PDE4B: variants seen among roughly 807,000 people sequenced by gnomAD.
PDE4B encodes the protein 3',5'-cyclic-AMP phosphodiesterase 4B.
Under a neutral mutation model 82.2 loss-of-function variants are expected in PDE4B, and 20 were observed. The ratio of observed to expected loss-of-function variants is 0.24; its 90% CI spans 0.17 to 0.35. The LOEUF is 0.35. Ranked by LOEUF, PDE4B falls within the 10% of genes least tolerant of loss-of-function variation. PDE4B has a pLI of 1.00. For synonymous variants in PDE4B, 320 were observed against 318.9 expected, an observed-to-expected ratio of 1.00 and a Z score of -0.04; for missense variants, 655 against 907.2, an observed-to-expected ratio of 0.72 and a Z score of 3.57.
chr1:65,906,983 A>G lies in PDE4B; in HGVS notation c.-70-6262A>G, dbSNP rs564543314. On this transcript the variant is annotated intron_variant, in intron 1 of 16. Coordinates refer to ENST00000341517, the MANE Select transcript of PDE4B (RefSeq NM_002600.4). ...CTTTTCAGTTTTTATCTCAAAAGTCATTGATACTTATTACTTAATTGAAAA... is the reference window on the plus strand; with the variant it reads ...CTTTTCAGTTTTTATCTCAAAAGTCGTTGATACTTATTACTTAATTGAAAA... Among the ~76,000 whole-genome samples the G allele has an allele frequency of 2.1e-4, 32 of 152,296 alleles. 1 individual carries two copies. The South Asian group carries it at 6.6e-3, about 32-fold the overall frequency.
chr1:66,152,574 G>C (rs1340300250), intron 3 of PDE4B: 2 of 254,750 alleles, frequency 7.9e-6, no homozygotes, highest in Non-Finnish European at 1.8e-5. Context: ...ATATGATTAA[G>C]TGTGTGCATA....
intron 1 of PDE4B, among the ~76,000 whole-genome samples, chr1:65,898,990 T>A (rs989158406): frequency 2.0e-5 from 3 of 151,976 alleles, no homozygotes; most frequent in African/African-American, 7.2e-5. Context: ...CTAAAGAGTT[T>A]TGCATGGCAA....
At chr1:66,320,026 A>G (rs1659290745) in intron 7 of PDE4B, among the ~76,000 whole-genome samples, 1 of 152,172 alleles carries the variant, frequency 6.6e-6, no homozygotes, top group African/African-American at 2.4e-5. Context: ...TAGAACTCTC[A>G]TATTTGTCCT....
At chr1:65,797,783 A>T (rs2101152936) in intron 1 of PDE4B, among the ~76,000 whole-genome samples, 1 of 152,220 alleles carries the variant, frequency 6.6e-6, no homozygotes, top group East Asian at 1.9e-4. Flanking sequence ...ACAAGGAATG[A>T]GCCTACCTAG....
At chr1:66,077,996 G>A (rs1472388153) in intron 3 of PDE4B, among the ~76,000 whole-genome samples, 1 of 152,128 alleles carries the variant, frequency 6.6e-6, no homozygotes, top group Non-Finnish European at 1.5e-5. Context: ...AATTAAATAA[G>A]TTAATTCATG....
intron 3 of PDE4B, among the ~76,000 whole-genome samples, chr1:66,138,866 T>C: frequency 6.6e-6 from 1 of 152,338 alleles, no homozygotes; most frequent in East Asian, 1.9e-4. Context: ...TTCCAGCCAC[T>C]GGGATAGGTT....
At chr1:65,910,740 AG>A (rs1224673598) in intron 1 of PDE4B, among the ~76,000 whole-genome samples, 4 of 152,142 alleles carry the variant, frequency 2.6e-5, no homozygotes, top group Non-Finnish European at 4.4e-5. Flanking sequence ...GCCAGCAGAG[AG>A]GGTCCCCTCT....
chr1:65,993,986 AT>A (rs1651393564), intron 3 of PDE4B, among the ~76,000 whole-genome samples: 1 of 152,174 alleles, frequency 6.6e-6, no homozygotes, highest in East Asian at 1.9e-4. Flanking sequence ...GCCACTTCAG[AT>A]TTTTTTGGAG....
chr1:66,082,090 G>GC (rs1656770819), intron 3 of PDE4B, among the ~76,000 whole-genome samples: 1 of 151,982 alleles, frequency 6.6e-6, no homozygotes, highest in South Asian at 2.1e-4. Flanking sequence ...AATCAGAGGA[G>GC]CATTAAAACA....
intron 3 of PDE4B, among the ~76,000 whole-genome samples, chr1:65,948,988 C>T (rs1316474453): frequency 6.6e-6 from 1 of 152,032 alleles, no homozygotes; most frequent in African/African-American, 2.4e-5. Flanking sequence ...CTATCTTGCC[C>T]CTAGGGACAA....
chr1:65,932,506 A>T (rs564004288), intron 3 of PDE4B, among the ~76,000 whole-genome samples: 19 of 152,178 alleles, frequency 1.2e-4, no homozygotes, highest in African/African-American at 4.1e-4. Flanking sequence ...GTCTGTGAAG[A>T]TTGGGAGAGG....
chr1:66,271,454 G>A (rs1655469024), intron 7 of PDE4B, among the ~76,000 whole-genome samples: 1 of 152,156 alleles, frequency 6.6e-6, no homozygotes, highest in Non-Finnish European at 1.5e-5. Flanking sequence ...GACGTCAATG[G>A]AGTCATTAAA....
intron 8 of PDE4B, among the ~76,000 whole-genome samples, chr1:66,334,478 T>G (rs1040115052): frequency 1.4e-4 from 22 of 152,318 alleles, no homozygotes; most frequent in African/African-American, 5.3e-4. Context: ...CGGGTGAGGA[T>G]TCCAATCCCT....
rs548023890 is a variant in PDE4B at position 66,268,636 on chromosome 1, C to G, written c.634+2549C>G. Reference sequence around the variant, plus strand: ...TGAGCCGAGATCGCACCACTGAACTCAAGCCCAGGTGACAGAGCAAGACTC... The same window carrying G: ...TGAGCCGAGATCGCACCACTGAACTGAAGCCCAGGTGACAGAGCAAGACTC... On this transcript the variant is annotated intron_variant, in intron 7 of 16. Coordinates refer to ENST00000341517, the MANE Select transcript of PDE4B (RefSeq NM_002600.4). Among the ~76,000 whole-genome samples the G allele has an allele frequency of 6.1e-5, 7 of 114,212 alleles. No individual in the cohort carries two copies. In the South Asian group the frequency reaches 2.1e-3, roughly 34 times the overall value. 74.9% of individuals were successfully genotyped at this position (114,212 alleles called of 152,430 possible).
intron 6 of PDE4B, 22 bp from the exon 7 acceptor site, chr1:66,266,016 C>T (rs1001844557): frequency 6.2e-7 from 1 of 1,604,538 alleles, no homozygotes; most frequent in Non-Finnish European, 8.5e-7. Flanking sequence ...AGACTCAGTC[C>T]TTCTTTTCTC....
intron 7 of PDE4B, among the ~76,000 whole-genome samples, chr1:66,291,849 G>A (rs1343744825): frequency 6.6e-6 from 1 of 152,098 alleles, no homozygotes; most frequent in Non-Finnish European, 1.5e-5. Flanking sequence ...CAATATCCGA[G>A]TATCTTAACT....
At chr1:65,903,265 C>T (rs1054212212) in intron 1 of PDE4B, among the ~76,000 whole-genome samples, 1 of 152,096 alleles carries the variant, frequency 6.6e-6, no homozygotes, top group South Asian at 2.1e-4. Context: ...TTCCTTCTGG[C>T]CTCTCATTTC....
chr1:65,987,139 T>A (rs1235459677), intron 3 of PDE4B, among the ~76,000 whole-genome samples: 1 of 151,938 alleles, frequency 6.6e-6, no homozygotes, highest in Non-Finnish European at 1.5e-5. Flanking sequence ...GGTGATGAGG[T>A]GTCATTGGAG....
At position 66,164,621 on chromosome 1, in the gene PDE4B, A is replaced by T. The variant is rs370134610; in HGVS notation, c.282-82839A>T. On this transcript the variant is annotated intron_variant, in intron 3 of 16. Coordinates refer to ENST00000341517, the MANE Select transcript of PDE4B (RefSeq NM_002600.4). ...AAGACCAGCGATCTCTATTATAGGC[A>T]GTAGGGCATAATGCATTTGAAATAT... Among the ~76,000 whole-genome samples the T allele has an allele frequency of 6.0e-5, 9 of 150,758 alleles. No homozygotes were observed. The East Asian group carries it at 7.8e-4, about 13-fold the overall frequency.
Sources: gnomAD v4.1 joint callset for allele counts (sites outside exome capture counted in the v4.1 genomes callset) on GRCh38, gnomAD v4.1.1 for gene constraint, MANE v1.5 for transcripts, NCBI Gene and HGNC (gene_info 2026-07-23, HGNC 2026-07-21) for gene names.